Variants in TBCCD1 observed in about 807,000 individuals in gnomAD.
The protein encoded by TBCCD1 is TBCC domain-containing protein 1.
Under a neutral mutation model 53.4 loss-of-function variants are expected in TBCCD1, and 26 were observed. The ratio of observed to expected loss-of-function variants is 0.49; its 90% CI spans 0.36 to 0.68. The LOEUF (loss-of-function observed/expected upper bound fraction) is 0.68, where lower values mean the gene tolerates loss of function less well. Ranked by LOEUF, TBCCD1 falls within the 30% of genes least tolerant of loss-of-function variation. The probability of loss-of-function intolerance (pLI) is 0.00; values close to 1 mark genes in which losing one functional copy is unlikely to be tolerated. For missense variants in TBCCD1, 558 were observed against 669.5 expected (o/e 0.83, Z 1.84); for synonymous variants, 245 against 241.7 (o/e 1.01, Z -0.13).
intron 7 of TBCCD1, among the ~76,000 whole-genome samples, chr3:186,548,400 G>A (rs185677539): frequency 6.6e-6 from 1 of 152,306 alleles, no homozygotes; most frequent in African/African-American, 2.4e-5. Context: ...CAATGTGTAC[G>A]AGCTTTATTT....
Position 186,554,259 on chromosome 3 carries a change from C to G in TBCCD1, c.1539G>C (p.Leu513Phe). ...TACTTGTAAAAAATACTCACTTTGT[C>G]AAATGAGCCTCCTTCACAGTTTTCT... ...IWQKTVKEAH[L>F]TKDQRKQFQV... is the part of the protein sequence containing the mutation. The change falls in exon 6 of 8, where the codon TTG becomes TTC. Residue 513 changes from leucine to phenylalanine, a missense_variant. Coordinates refer to ENST00000338733, the MANE Select transcript of TBCCD1 (RefSeq NM_018138.5). The G allele has an allele frequency of 6.2e-7, 1 of 1,611,324 alleles. No individual in the cohort carries two copies. The highest frequency in any genetic ancestry group is 1.1e-5 in the South Asian group (1 of 90,444).
intron 1 of TBCCD1, among the ~76,000 whole-genome samples, chr3:186,566,819 G>A (rs1714846730): frequency 1.3e-5 from 2 of 151,830 alleles, no homozygotes; most frequent in Admixed American, 6.6e-5. Context: ...AAAACCAGAC[G>A]ATAAAAGTTA....
chr3:186,563,079 TTAACAAA>T (rs1396190934), intron 2 of TBCCD1, among the ~76,000 whole-genome samples: 16 of 152,220 alleles, frequency 1.1e-4, no homozygotes, highest in Non-Finnish European at 5.9e-5. Context: ...AAATCAGCTT[TTAACAAA>T]GCTGATTAAC....
Position 186,554,731 on chromosome 3 carries a change from C to T in TBCCD1, c.1067G>A (p.Cys356Tyr). ...GCCCAAGACAAAGATGCTATTCCTG[C>T]ACTTCTCAATTGTCACAGATCTGAA... ...SPLRSVTIEK[C>Y]RNSIFVLGPV... is the part of the protein sequence containing the mutation. Residue 356 changes from cysteine to tyrosine, a missense_variant, in exon 6 of 8, where the codon TGC (cysteine) becomes TAC (tyrosine). Physicochemically the swap from Cys to Tyr is radical, Grantham distance 194. Transcript: ENST00000338733. The T allele has an allele frequency of 6.2e-7, 1 of 1,613,702 alleles. No homozygotes were observed.
chr3:186,556,158 T>G (rs545979247), intron 4 of TBCCD1, among the ~76,000 whole-genome samples: 11 of 152,332 alleles, frequency 7.2e-5, no homozygotes, highest in Non-Finnish European at 1.6e-4. Context: ...GTACATAATA[T>G]ATGGTTATTT....
chr3:186,551,948 G>A (rs974705446), intron 6 of TBCCD1, among the ~76,000 whole-genome samples: 1 of 152,140 alleles, frequency 6.6e-6, no homozygotes, highest in Admixed American at 6.5e-5. Flanking sequence ...CTGCACTCCA[G>A]CCTGGGCAAC....
Position 186,564,361 on chromosome 3 carries a change from T to G in TBCCD1, c.-32A>C, listed in dbSNP as rs1163470117. ...TCTAAGGACATCAGGGTGAAAAGGC[T>G]TCTTTGCATACCTAGGAAACAAAGT... On this transcript the variant is annotated 5_prime_UTR_variant, in exon 2 of 8. Coordinates refer to ENST00000338733, the MANE Select transcript of TBCCD1 (RefSeq NM_018138.5). 6.5e-7 allele frequency: 1 copy of G among 1,542,708 alleles called. No homozygotes were observed. The highest frequency in any genetic ancestry group is 8.8e-7 in the Non-Finnish European group (1 of 1,141,786).
At chr3:186,548,338 A>C (rs567610787) in intron 7 of TBCCD1, among the ~76,000 whole-genome samples, 1 of 152,364 alleles carries the variant, frequency 6.6e-6, no homozygotes, top group East Asian at 1.9e-4. Context: ...AGTGGTGCCA[A>C]GGACTAAGGG....
chr3:186,561,722 G>A (rs184419901), intron 2 of TBCCD1, among the ~76,000 whole-genome samples: 151 of 152,222 alleles, frequency 9.9e-4, no homozygotes, highest in African/African-American at 2.6e-3. Context: ...CTGGGAGGTG[G>A]AGCTTGCAAT....
Position 186,551,272 on chromosome 3 carries a change from T to A in TBCCD1, c.1552A>T (p.Arg518Trp), listed in dbSNP as rs1485227539. Residue 518 changes from arginine (R) to tryptophan (W), a missense_variant, in exon 7 of 8, where the codon AGG (arginine) becomes TGG (tryptophan). Transcript: ENST00000338733. ...TCTACCAGTACCTGGAACTGCTTCC[T>A]TTGATCCCTAAAATTGCGATTATGA... ...VKEAHLTKDQ[R>W]KQFQVLVENK... The A allele has an allele frequency of 1.9e-6, 3 of 1,612,088 alleles. No homozygotes were observed. The highest frequency in any genetic ancestry group is 2.7e-5 in the African/African-American group (2 of 74,958).
chr3:186,562,410 T>A (rs185155543), intron 2 of TBCCD1, among the ~76,000 whole-genome samples: 1 of 152,282 alleles, frequency 6.6e-6, no homozygotes, highest in Admixed American at 6.5e-5. Flanking sequence ...GAGGACATTA[T>A]GCTAAGTAAA....
chr3:186,547,033 T>TA (rs908780152), intron 7 of TBCCD1, 78 bp from the exon 8 acceptor site: 43 of 152,214 alleles, frequency 2.8e-4, no homozygotes, highest in Admixed American at 1.2e-3. Context: ...ACTCTACGTT[T>TA]AAAAAATCAC....
upstream of TBCCD1, chr3:186,570,078 G>A: frequency 1.4e-6 from 1 of 697,288 alleles, no homozygotes; most frequent in Non-Finnish European, 2.6e-6. Flanking sequence ...GCTCAGACTT[G>A]GGAGGAGGGG....
chr3:186,551,008 G>C (rs903868624), intron 7 of TBCCD1, 121 bp downstream of exon 7: 25 of 956,536 alleles, frequency 2.6e-5, no homozygotes, highest in African/African-American at 1.7e-5. Flanking sequence ...AAAGGTCCGT[G>C]TATGCTGGTA....
rs558263791 is a variant in TBCCD1 at position 186,561,550 on chromosome 3, G to A, written c.336+2444C>T. ...CACGCCTGTAATCCCAGCACTTTGG[G>A]AGGCCGAGGCAGGCGGATCATGAGG... On this transcript the variant is annotated intron_variant, in intron 2 of 7. Coordinates refer to ENST00000338733, the MANE Select transcript of TBCCD1 (RefSeq NM_018138.5). 3.3e-5 allele frequency among the ~76,000 whole-genome samples: 5 copies of A among 152,324 alleles called. No homozygotes were observed. The South Asian group carries it at 6.2e-4, about 19-fold the overall frequency.
intron 1 of TBCCD1, among the ~76,000 whole-genome samples, chr3:186,566,062 G>C (rs1483644499): frequency 6.7e-6 from 1 of 150,098 alleles, no homozygotes; most frequent in African/African-American, 2.5e-5. Context: ...TTTTGAGACG[G>C]AGTCTCGCTC....
intron 2 of TBCCD1, among the ~76,000 whole-genome samples, chr3:186,561,686 G>A (rs1714693528): frequency 6.6e-6 from 1 of 152,228 alleles, no homozygotes; most frequent in African/African-American, 2.4e-5. Flanking sequence ...CTACTCAGGA[G>A]GCTGAGGCAG....
At chr3:186,552,247 G>GT (rs1427738712) in intron 6 of TBCCD1, among the ~76,000 whole-genome samples, 2 of 152,080 alleles carry the variant, frequency 1.3e-5, no homozygotes, top group African/African-American at 4.8e-5. Context: ...AAGTGAGAGC[G>GT]TATTTCACAT....
intron 2 of TBCCD1, 22 bp downstream of exon 2, chr3:186,563,972 A>G: frequency 1.3e-6 from 2 of 1,567,582 alleles, no homozygotes; most frequent in Non-Finnish European, 1.7e-6. Flanking sequence ...GTAATTAAGT[A>G]TACACACATA....
Sources: gnomAD v4.1 joint callset for allele counts (sites outside exome capture counted in the v4.1 genomes callset) on GRCh38, gnomAD v4.1.1 for gene constraint, MANE v1.5 for transcripts, NCBI Gene and HGNC (gene_info 2026-07-23, HGNC 2026-07-21) for gene names.